The following OR51I2 variants were observed in gnomAD, a reference collection of about 807,000 sequenced individuals.
OR51I2 encodes olfactory receptor family 51 subfamily I member 2, also known as olfactory receptor 51I2.
OR51I2 carries 6 observed loss-of-function variants against 9.3 expected under a neutral mutation model. That is an observed-to-expected ratio of 0.64 (90% CI 0.35 to 1.27). The LOEUF (loss-of-function observed/expected upper bound fraction) is 1.27. Among genes scored for constraint, OR51I2 ranks in the 50% most tolerant of loss-of-function variants. The pLI, the probability that OR51I2 is intolerant of heterozygous loss-of-function variation, is 0.03. For missense variants in OR51I2, 489 were observed against 396.4 expected, an observed-to-expected ratio of 1.23 and a Z score of -1.98; for synonymous variants, 179 against 143.1, an observed-to-expected ratio of 1.25 and a Z score of -1.79.
chr11:5,451,311 T>A (rs1189300205), intron 1 of OR51I2, among the ~76,000 whole-genome samples: 3 of 152,260 alleles, frequency 2.0e-5, no homozygotes, highest in Non-Finnish European at 4.4e-5. Flanking sequence ...AATCCTGCTT[T>A]CAGCCTGTTT....
intron 1 of OR51I2, among the ~76,000 whole-genome samples, chr11:5,451,523 G>A (rs1850848340): frequency 6.6e-6 from 1 of 152,176 alleles, no homozygotes; most frequent in Non-Finnish European, 1.5e-5. Flanking sequence ...AAGACCAGAA[G>A]GGACATATTC....
chr11:5,451,086 C>T (rs936093086), intron 1 of OR51I2, among the ~76,000 whole-genome samples: 9 of 152,206 alleles, frequency 5.9e-5, no homozygotes, highest in Non-Finnish European at 8.8e-5. Flanking sequence ...TGTAAAGTTC[C>T]TTGCAGAGCA....
intron 1 of OR51I2, among the ~76,000 whole-genome samples, chr11:5,451,395 G>T (rs1238620039): frequency 6.6e-6 from 1 of 152,150 alleles, no homozygotes; most frequent in African/African-American, 2.4e-5. Flanking sequence ...CTTTCTACAA[G>T]ACTTTATATG....
At position 5,453,756 on chromosome 11, in the gene OR51I2, C is replaced by A. The variant is rs754539560; in HGVS notation, c.268C>A (p.Arg90Ser). The part of the protein sequence containing the change: ...TVLRTFCLNA[R>S]NITFDACLIQ... ...ACTCCGAACCTTCTGCCTCAATGCC[C>A]GCAACATCACTTTTGATGCCTGTCT... The change falls in exon 2 of 2, where the codon CGC (arginine) becomes AGC (serine). Residue 90 changes from arginine (R) to serine (S), a missense_variant. Arg to Ser is a moderately radical substitution (Grantham distance 110). Coordinates refer to ENST00000641930, the MANE Select transcript of OR51I2 (RefSeq NM_001004754.3). The A allele has an allele frequency of 6.2e-6, 10 of 1,614,042 alleles. No homozygotes were observed. In the Admixed American group the frequency reaches 1.5e-4, roughly 24 times the overall value.
rs1850947847 is a variant in OR51I2, at chr11:5,455,730, G to C, written c.*1303G>C. On this transcript the variant is annotated 3_prime_UTR_variant, in exon 2 of 2. Coordinates refer to ENST00000641930, the MANE Select transcript of OR51I2 (RefSeq NM_001004754.3). ...TGTTATCTAGAGGTTTTTTCTCTTT[G>C]TATTGAGGAAATACCAACAAGAGAG... 6.6e-6 allele frequency: 1 copy of C among 152,052 alleles called. No individual in the cohort carries two copies. Among genetic ancestry groups the C allele is most frequent in the African/African-American group, 2.4e-5 (1 of 41,412 alleles). 9.4% of individuals were successfully genotyped at this position (152,052 alleles called of 1,614,324 possible). A position where few individuals can be genotyped will look rare whatever the true frequency, so the allele number is the denominator to read the frequency against.
intron 1 of OR51I2, among the ~76,000 whole-genome samples, chr11:5,450,397 AAATG>A (rs1331414134): frequency 6.6e-6 from 1 of 151,900 alleles, no homozygotes; most frequent in Non-Finnish European, 1.5e-5. Context: ...TCAAATAAAT[AAATG>A]AATTAATTAA....
In OR51I2 at chr11:5,453,665, G is replaced by A. The variant is rs1408496242; in HGVS notation, c.177G>A (p.Met59Ile). 4 of 1,613,522 alleles carry A rather than the reference G, an allele frequency of 2.5e-6. No homozygotes were observed. In the East Asian group the frequency reaches 8.9e-5, roughly 36 times the overall value. Residue 59 changes from methionine to isoleucine, a missense_variant, in exon 2 of 2, where the codon ATG (methionine) becomes ATA (isoleucine). Physicochemically the swap from Met to Ile is conservative, Grantham distance 10. Coordinates refer to ENST00000641930, the MANE Select transcript of OR51I2 (RefSeq NM_001004754.3). ...TGGAGCCCAGCCTCCATGAGCCCAT[G>A]TACTACTTCCTGTCCATGTTGTCCT... is the stretch of plus-strand genomic sequence containing the variant. ...VRVEPSLHEP[M>I]YYFLSMLSFS...
rs1470050877 is a variant in OR51I2 at position 5,455,064 on chromosome 11, AC to A, written c.*639del. On this transcript the variant is annotated 3_prime_UTR_variant, in exon 2 of 2. Coordinates refer to ENST00000641930, the MANE Select transcript of OR51I2 (RefSeq NM_001004754.3). ...GAAATCAGCTTAACTATTAGAACTC[AC>A]CATAAAATGTATGAACAAATGTGAT... 2.0e-5 allele frequency: 3 copies of A among 152,274 alleles called. No individual in the cohort carries two copies. Among genetic ancestry groups the A allele is most frequent in the Admixed American group, 6.5e-5 (1 of 15,288 alleles). 9.4% of individuals were successfully genotyped at this position (152,274 alleles called of 1,614,324 possible).
chr11:5,454,246 T>A lies in OR51I2; in HGVS notation c.758T>A (p.Val253Glu), dbSNP rs1850914060. The A allele has an allele frequency of 2.5e-6, 4 of 1,614,116 alleles. No individual in the cohort carries two copies. The South Asian group carries it at 4.4e-5, about 18-fold the overall frequency. ...ATCCTGGCTGTACTTGCATTTTATG[T>A]GCCAATGATTGGGGTCTCCACAGTG... is the stretch of plus-strand genomic sequence containing the variant. ...SHILAVLAFY[V>E]PMIGVSTVHR... is the part of the protein sequence containing the mutation. The change falls in exon 2 of 2, where the codon GTG (valine) becomes GAG (glutamate). Residue 253 changes from valine to glutamate, a missense_variant. Val to Glu is a moderately radical substitution (Grantham distance 121). Transcript: ENST00000641930.
chr11:5,453,499 T>C lies in OR51I2; in HGVS notation c.11T>C (p.Phe4Ser). 1.3e-6 allele frequency: 2 copies of C among 1,549,974 alleles called. No individual in the cohort carries two copies. The highest frequency in any genetic ancestry group is 1.7e-6 in the Non-Finnish European group (2 of 1,151,230). The stretch of plus-strand genomic sequence containing the variant: ...TAAGTTTGTTTTGCTATGGGGTTGT[T>C]CAATGTCACTCACCCTGCATTCTTC... MGL[F>S]NVTHPAFFLL... Residue 4 changes from phenylalanine (F) to serine (S), a missense_variant, in exon 2 of 2, where the codon TTC (phenylalanine) becomes TCC (serine). By Grantham distance (155) the Phe-to-Ser change is radical. Coordinates refer to ENST00000641930, the MANE Select transcript of OR51I2 (RefSeq NM_001004754.3).
chr11:5,453,755 C>T lies in OR51I2; in HGVS notation c.267C>T (p.Ala89=), dbSNP rs1355504177. 1 of 1,614,062 alleles carries T rather than the reference C, an allele frequency of 6.2e-7. No homozygotes were observed. Among genetic ancestry groups the T allele is most frequent in the African/African-American group, 1.3e-5 (1 of 74,932 alleles). Residue 89 remains alanine (A), a synonymous_variant, in exon 2 of 2, where the codon GCC becomes GCT. Transcript: ENST00000641930. ...TACTCCGAACCTTCTGCCTCAATGC[C>T]CGCAACATCACTTTTGATGCCTGTC... ...PTVLRTFCLN[A]RNITFDACLI... is the part of the protein sequence containing the mutation.
chr11:5,450,116 T>C (rs561639360), intron 1 of OR51I2, among the ~76,000 whole-genome samples: 23 of 152,268 alleles, frequency 1.5e-4, no homozygotes, highest in Admixed American at 1.3e-3. Context: ...ACACCAGGCG[T>C]GGTGGCTCAT....
At position 5,454,073 on chromosome 11, in the gene OR51I2, C is replaced by T. The variant is rs898877747; in HGVS notation, c.585C>T (p.Asn195=). The change falls in exon 2 of 2, where the codon AAC becomes AAT. Residue 195 remains asparagine, a synonymous_variant. Transcript: ENST00000641930. ...TTGCCTGTGCTGATATCAGTATCAA[C>T]AGCATCTATGGACTCTTTGTTCTTG... ...MRLACADISI[N]SIYGLFVLVS... 4 of 1,614,040 alleles carry T rather than the reference C, an allele frequency of 2.5e-6. No homozygotes were observed. Among genetic ancestry groups the T allele is most frequent in the Non-Finnish European group, 3.4e-6 (4 of 1,180,028 alleles).
rs956550802 is a variant in OR51I2 at position 5,455,482 on chromosome 11, T to A, written c.*1055T>A. The A allele has an allele frequency of 6.1e-5, 9 of 146,852 alleles. No individual in the cohort carries two copies. The highest frequency in any genetic ancestry group is 2.3e-4 in the African/African-American group (9 of 39,552). The allele number at this position is 146,852 out of a possible 1,614,324, so 9.1% of individuals were successfully genotyped here. ...TAGGATATAGTAAGAAATTCCTTGGTGCTAATTTTGGTGCTGTCATACTAA... is the reference window on the plus strand; with the variant it reads ...TAGGATATAGTAAGAAATTCCTTGGAGCTAATTTTGGTGCTGTCATACTAA... On this transcript the variant is annotated 3_prime_UTR_variant, in exon 2 of 2. Transcript: ENST00000641930.
chr11:5,450,603 GCCT>G (rs1850830150), intron 1 of OR51I2, among the ~76,000 whole-genome samples: 1 of 152,096 alleles, frequency 6.6e-6, no homozygotes, highest in Non-Finnish European at 1.5e-5. Context: ...TTTGTGTTCA[GCCT>G]TGGAGACAGG....
intron 1 of OR51I2, among the ~76,000 whole-genome samples, chr11:5,450,388 CAAAT>C (rs936704986): frequency 6.6e-6 from 1 of 151,832 alleles, no homozygotes; most frequent in African/African-American, 2.4e-5. Context: ...GACTCAGTCT[CAAAT>C]AAATAAATGA....
rs1564819339 is a variant in OR51I2 at position 5,455,591 on chromosome 11, G to GAGGAGAGAGAGAAAGAGAAAGAGAGA, written c.*1165_*1166insGGAGAGAGAGAAAGAGAAAGAGAGAA. Reference sequence around the variant, plus strand: ...AGAGAGAGAGAGAAAGAGAAAGAGAGAAAGAGAAAAAGAGAAAGAGAAAGA... The same window carrying GAGGAGAGAGAGAAAGAGAAAGAGAGA: ...AGAGAGAGAGAGAAAGAGAAAGAGAGAGGAGAGAGAGAAAGAGAAAGAGAGAAAAGAGAAAAAGAGAAAGAGAAAGA... On this transcript the variant is annotated 3_prime_UTR_variant, in exon 2 of 2. Transcript: ENST00000641930. The GAGGAGAGAGAGAAAGAGAAAGAGAGA allele has an allele frequency of 1.6e-4, 23 of 142,368 alleles. 1 individual carries two copies. Among genetic ancestry groups the GAGGAGAGAGAGAAAGAGAAAGAGAGA allele is most frequent in the African/African-American group, 6.0e-4 (23 of 38,404 alleles). The allele number at this position is 142,368 out of a possible 1,614,324, so 8.8% of individuals were successfully genotyped here.
chr11:5,452,127 G>C (rs1850862197), intron 1 of OR51I2, among the ~76,000 whole-genome samples: 1 of 152,218 alleles, frequency 6.6e-6, no homozygotes, highest in Non-Finnish European at 1.5e-5. Flanking sequence ...ATGTGTCTAT[G>C]AGTGTGTATA....
Position 5,452,423 on chromosome 11 carries a change from G to A in OR51I2, c.-230-836G>A, listed in dbSNP as rs1030466691. Among the ~76,000 whole-genome samples the A allele has an allele frequency of 1.4e-4, 21 of 145,264 alleles. No homozygotes were observed. The South Asian group carries it at 3.3e-3, about 23-fold the overall frequency. ...CGGGAGGCTGAGGCAGAAGAATGGCGTGAACCCGGGAGGTGGAGTTGCAGT... is the reference window on the plus strand; with the variant it reads ...CGGGAGGCTGAGGCAGAAGAATGGCATGAACCCGGGAGGTGGAGTTGCAGT... On this transcript the variant is annotated intron_variant, in intron 1 of 1. Coordinates refer to ENST00000641930, the MANE Select transcript of OR51I2 (RefSeq NM_001004754.3).
Sources: allele counts gnomAD v4.1 joint callset (sites outside exome capture counted in the v4.1 genomes callset), GRCh38; gene constraint gnomAD v4.1.1; transcripts MANE v1.5; gene names NCBI Gene and HGNC (gene_info 2026-07-23, HGNC 2026-07-21).